PHKB: variants seen among roughly 807,000 people sequenced by gnomAD.
The protein encoded by PHKB is phosphorylase kinase regulatory subunit beta, also known as phosphorylase b kinase regulatory subunit beta.
In PHKB, 122 loss-of-function variants were observed where a neutral mutation model predicts 152.1. The observed-to-expected ratio is 0.80, with a 90% CI of 0.69 to 0.93. PHKB has a LOEUF of 0.93. PHKB is among the 40% of genes least tolerant of loss of function. The probability of loss-of-function intolerance (pLI) is 0.00; values close to 1 mark genes in which losing one functional copy is unlikely to be tolerated. For synonymous variants in PHKB, 436 were observed against 464.9 expected (o/e 0.94, Z 0.80); for missense variants, 1,304 against 1,328.4 (o/e 0.98, Z 0.29).
At chr16:47,562,999 A>G (rs1006721553) in intron 7 of PHKB, among the ~76,000 whole-genome samples, 5 of 152,124 alleles carry the variant, frequency 3.3e-5, no homozygotes, top group African/African-American at 9.7e-5. Flanking sequence ...ATAAGAATCA[A>G]TTCCTCATCC....
chr16:47,524,964 G>T (rs569670557), intron 6 of PHKB, among the ~76,000 whole-genome samples: 36 of 151,874 alleles, frequency 2.4e-4, no homozygotes, highest in Middle Eastern at 3.4e-3. Flanking sequence ...TTCTTTTATG[G>T]GAATTTTTAA....
intron 7 of PHKB, among the ~76,000 whole-genome samples, chr16:47,576,998 T>C (rs1437160010): frequency 6.6e-6 from 1 of 152,120 alleles, no homozygotes; most frequent in African/African-American, 2.4e-5. Context: ...TTTATTTGTC[T>C]TTTTTAATGT....
intron 13 of PHKB, among the ~76,000 whole-genome samples, chr16:47,608,153 G>A (rs1321635848): frequency 2.6e-5 from 4 of 151,674 alleles, no homozygotes; most frequent in African/African-American, 7.3e-5. Flanking sequence ...TCACTTTCTT[G>A]ATGGATCTTT....
chr16:47,598,879 G>T, intron 13 of PHKB: 4 of 1,603,800 alleles, frequency 2.5e-6, no homozygotes, highest in South Asian at 1.1e-5. Context: ...TCTATATGCT[G>T]CATTTTTAGG....
At chr16:47,512,402 C>T (rs1450594271) in intron 5 of PHKB, among the ~76,000 whole-genome samples, 3 of 152,022 alleles carry the variant, frequency 2.0e-5, no homozygotes, top group Non-Finnish European at 2.9e-5. Context: ...CAGTTCTTTC[C>T]GTGACAAAAG....
Position 47,660,641 on chromosome 16 carries a change from T to C in PHKB, c.2034-16T>C, listed in dbSNP as rs1436499729. 8.7e-6 allele frequency: 14 copies of C among 1,613,668 alleles called. No homozygotes were observed. The highest frequency in any genetic ancestry group is 1.2e-5 in the Non-Finnish European group (14 of 1,179,706). On this transcript the variant is annotated splice_polypyrimidine_tract_variant and intron_variant, in intron 21 of 30. Transcript: ENST00000323584. The stretch of plus-strand genomic sequence containing the variant: ...AGAAAAGCAGAAAATATGAAACCTT[T>C]TCTTTTAATTTTTAGGCTTCCAGAA...
intron 7 of PHKB, chr16:47,567,033 C>T (rs1012767263): frequency 7.9e-6 from 3 of 380,848 alleles, no homozygotes; most frequent in Admixed American, 4.3e-5. Context: ...GTGATATCTC[C>T]AGATTTCTTC....
intron 29 of PHKB, among the ~76,000 whole-genome samples, chr16:47,696,818 G>A (rs913537090): frequency 1.1e-4 from 16 of 152,244 alleles, no homozygotes; most frequent in Admixed American, 7.2e-4. Context: ...AGTACAGGAA[G>A]TGACCTTTTT....
At chr16:47,565,603 C>T in intron 7 of PHKB, 1 of 1,062,666 alleles carries the variant, frequency 9.4e-7, no homozygotes, top group Non-Finnish European at 1.5e-6. Flanking sequence ...CTCCCTCGTG[C>T]ATTTCTGCCG....
intron 1 of PHKB, chr16:47,463,860 G>A: frequency 7.0e-7 from 1 of 1,437,304 alleles, no homozygotes; most frequent in Non-Finnish European, 9.8e-7. Context: ...AACACTGATT[G>A]CTTCTAACCT....
At chr16:47,505,367 G>A (rs1970396673) in intron 4 of PHKB, 1 of 152,322 alleles carries the variant, frequency 6.6e-6, no homozygotes. Flanking sequence ...TACAGGAGGA[G>A]GGCGGCCACG....
At chr16:47,673,055 C>T (rs1478662680) in intron 26 of PHKB, among the ~76,000 whole-genome samples, 1 of 151,908 alleles carries the variant, frequency 6.6e-6, no homozygotes, top group African/African-American at 2.4e-5. Flanking sequence ...TTATGATGTA[C>T]ATTTCACTCT....
chr16:47,499,983 T>C, intron 3 of PHKB, 89 bp downstream of exon 3: 1 of 1,470,170 alleles, frequency 6.8e-7, no homozygotes, highest in East Asian at 2.3e-5. Context: ...ATCTTTTGGC[T>C]CTGCTGCTGA....
At chr16:47,625,315 A>C (rs2151717260) in intron 14 of PHKB, among the ~76,000 whole-genome samples, 1 of 152,380 alleles carries the variant, frequency 6.6e-6, no homozygotes, top group Non-Finnish European at 1.5e-5. Context: ...CTATTGTTGT[A>C]GAAATGTAGA....
chr16:47,603,744 A>G (rs546047198), intron 13 of PHKB, among the ~76,000 whole-genome samples: 5 of 152,094 alleles, frequency 3.3e-5, no homozygotes, highest in Admixed American at 6.5e-5. Flanking sequence ...AGCTCGGGCA[A>G]TCTGCCCGCC....
chr16:47,672,870 T>C (rs1198126056), intron 26 of PHKB, among the ~76,000 whole-genome samples: 1 of 152,164 alleles, frequency 6.6e-6, no homozygotes, highest in Non-Finnish European at 1.5e-5. Context: ...TTTTTCCTTA[T>C]ACTGTGTTAC....
chr16:47,550,714 G>A (rs1971256604), intron 7 of PHKB, among the ~76,000 whole-genome samples: 1 of 152,150 alleles, frequency 6.6e-6, no homozygotes, highest in African/African-American at 2.4e-5. Context: ...GCTGTTACGA[G>A]GATGATCCTG....
At chr16:47,487,911 GTGTCT>G (rs1310118583) in intron 1 of PHKB, among the ~76,000 whole-genome samples, 3 of 152,182 alleles carry the variant, frequency 2.0e-5, no homozygotes, top group Non-Finnish European at 4.4e-5. Flanking sequence ...ACACATGCAT[GTGTCT>G]TTATGGTAAA....
chr16:47,644,724 A>C (rs1973085978), intron 16 of PHKB, among the ~76,000 whole-genome samples: 1 of 152,236 alleles, frequency 6.6e-6, no homozygotes, highest in Non-Finnish European at 1.5e-5. Flanking sequence ...CTAGAATAAA[A>C]AAATAAGAGA....
Sources: gnomAD v4.1 joint callset for allele counts (sites outside exome capture counted in the v4.1 genomes callset) on GRCh38, gnomAD v4.1.1 for gene constraint, MANE v1.5 for transcripts, NCBI Gene and HGNC (gene_info 2026-07-23, HGNC 2026-07-21) for gene names.